ELP4: variants seen among roughly 807,000 people sequenced by gnomAD.
ELP4 encodes elongator acetyltransferase complex subunit 4, also known as elongator complex protein 4.
A neutral mutation model predicts 48.9 loss-of-function variants in ELP4; 51 were observed. That is an observed-to-expected ratio of 1.04 (90% confidence interval 0.83 to 1.32). The LOEUF is 1.32. ELP4 is among the 40% of genes most tolerant of loss of function. The pLI is 0.00. For synonymous variants in ELP4, 210 were observed against 189.2 expected, an observed-to-expected ratio of 1.11 and a Z score of -0.90; for missense variants, 519 against 514.6, an observed-to-expected ratio of 1.01 and a Z score of -0.08.
At chr11:31,608,957 T>G (rs1177123695) in intron 5 of ELP4, among the ~76,000 whole-genome samples, 1 of 152,122 alleles carries the variant, frequency 6.6e-6, no homozygotes, top group Non-Finnish European at 1.5e-5. Flanking sequence ...GCTCTGTCAG[T>G]CTTCAGCAGC....
At chr11:31,720,844 A>G (rs749623057) in intron 9 of ELP4, among the ~76,000 whole-genome samples, 15 of 152,198 alleles carry the variant, frequency 9.9e-5, no homozygotes, top group Non-Finnish European at 1.6e-4. Context: ...CAAAAAGAAG[A>G]TAAGTGCCAA....
intron 2 of ELP4, among the ~76,000 whole-genome samples, chr11:31,525,041 A>AT (rs1383100753): frequency 6.6e-6 from 1 of 152,134 alleles, no homozygotes; most frequent in Non-Finnish European, 1.5e-5. Context: ...CTGGTCACCT[A>AT]TTTTTGTAAA....
At chr11:31,711,853 A>G (rs1375446004) in intron 9 of ELP4, among the ~76,000 whole-genome samples, 2 of 152,140 alleles carry the variant, frequency 1.3e-5, no homozygotes, top group Admixed American at 6.6e-5. Context: ...CAACTGGCCC[A>G]TACTACAATG....
At chr11:31,576,879 G>T (rs1416160508) in intron 3 of ELP4, among the ~76,000 whole-genome samples, 2 of 152,132 alleles carry the variant, frequency 1.3e-5, no homozygotes, top group Non-Finnish European at 2.9e-5. Flanking sequence ...ACAATTAAAA[G>T]AACTAGAGAA....
At chr11:31,693,166 A>G (rs1470078942) in intron 9 of ELP4, among the ~76,000 whole-genome samples, 3 of 151,846 alleles carry the variant, frequency 2.0e-5, no homozygotes, top group Admixed American at 2.0e-4. Flanking sequence ...TTTTATTATT[A>G]TTATTATTAT....
chr11:31,771,266 G>A (rs1170217309), intron 9 of ELP4, among the ~76,000 whole-genome samples: 1 of 152,170 alleles, frequency 6.6e-6, no homozygotes, highest in Non-Finnish European at 1.5e-5. Flanking sequence ...TCAGAAGAAA[G>A]CAGGATCTAA....
chr11:31,627,011 T>C lies in ELP4; in HGVS notation c.654-99T>C, dbSNP rs1944758797. 1.1e-5 allele frequency: 7 copies of C among 663,094 alleles called. No homozygotes were observed. The East Asian group carries it at 1.7e-4, about 16-fold the overall frequency. The allele number at this position is 663,094 out of a possible 1,614,324, so 41.1% of individuals were successfully genotyped here. Reference sequence around the variant, plus strand: ...TGACATTCTTAAGTAATCTAATAAATGTATGCCTTTTAATTATTTACTTAA... The same window carrying C: ...TGACATTCTTAAGTAATCTAATAAACGTATGCCTTTTAATTATTTACTTAA... On this transcript the variant is annotated intron_variant, in intron 5 of 9. Transcript: ENST00000640961.
intron 9 of ELP4, among the ~76,000 whole-genome samples, chr11:31,690,040 C>T (rs1946244078): frequency 6.6e-6 from 1 of 152,144 alleles, no homozygotes; most frequent in Non-Finnish European, 1.5e-5. Flanking sequence ...AAGGAAATAA[C>T]ATGTGTTTCG....
At chr11:31,542,981 G>C (rs563060882) in intron 3 of ELP4, among the ~76,000 whole-genome samples, 2 of 152,230 alleles carry the variant, frequency 1.3e-5, no homozygotes, top group African/African-American at 4.8e-5. Flanking sequence ...AACTTTTAGA[G>C]ATGAAAATAC....
chr11:31,695,448 G>A lies in ELP4; in HGVS notation c.1143+45227G>A, dbSNP rs189779664. On this transcript the variant is annotated intron_variant, in intron 9 of 9. Coordinates refer to ENST00000640961, the MANE Select transcript of ELP4 (RefSeq NM_019040.5). ...TTTTTGTCTTTGGTTCTGTTTATAC[G>A]ATGGATTACATTTATTGATTCGCGT... Among the ~76,000 whole-genome samples the A allele has an allele frequency of 2.7e-3, 413 of 151,982 alleles. 12 individuals are homozygous for A. In the East Asian group the frequency reaches 0.065, roughly 24 times the overall value.
At chr11:31,653,235 C>G (rs1447596527) in intron 9 of ELP4, 2 of 151,654 alleles carry the variant, frequency 1.3e-5, no homozygotes, top group Admixed American at 1.3e-4. Context: ...GCACTAAAAT[C>G]CTGACATGCA....
intron 9 of ELP4, among the ~76,000 whole-genome samples, chr11:31,658,689 TC>T (rs1945490314): frequency 6.6e-6 from 1 of 151,962 alleles, no homozygotes; most frequent in Non-Finnish European, 1.5e-5. Flanking sequence ...TTATAGCTAA[TC>T]AACCTGTTTT....
intron 9 of ELP4, among the ~76,000 whole-genome samples, chr11:31,749,144 G>A (rs1947663072): frequency 6.6e-6 from 1 of 152,166 alleles, no homozygotes; most frequent in Admixed American, 6.5e-5. Context: ...GAAAGCCATA[G>A]ACGATGTAGA....
intron 9 of ELP4, among the ~76,000 whole-genome samples, chr11:31,659,752 C>T (rs932008754): frequency 5.3e-5 from 8 of 152,030 alleles, no homozygotes; most frequent in Non-Finnish European, 1.0e-4. Context: ...CTTTGGGAGG[C>T]CGAGGTAGAT....
At chr11:31,732,469 T>A (rs1199891181) in intron 9 of ELP4, among the ~76,000 whole-genome samples, 8 of 136,610 alleles carry the variant, frequency 5.9e-5, no homozygotes, top group Admixed American at 7.2e-5. Context: ...AGCATGTCAC[T>A]AAAAAAAAAA....
At position 31,641,053 on chromosome 11, in the gene ELP4, A is replaced by G. The variant is rs184038787; in HGVS notation, c.928-6688A>G. Reference sequence around the variant, plus strand: ...TTTACTAAATGTTTTTGCTGCAGCTATTAACTTACATTGAAAATCAAATAT... The same window carrying G: ...TTTACTAAATGTTTTTGCTGCAGCTGTTAACTTACATTGAAAATCAAATAT... On this transcript the variant is annotated intron_variant, in intron 7 of 9. Coordinates refer to ENST00000640961, the MANE Select transcript of ELP4 (RefSeq NM_019040.5). Among the ~76,000 whole-genome samples the G allele has an allele frequency of 1.2e-3, 177 of 152,118 alleles. 2 individuals carry two copies. Among genetic ancestry groups the G allele is most frequent in the African/African-American group, 4.0e-3 (165 of 41,572 alleles).
chr11:31,642,194 AATGTTTT>A lies in ELP4; in HGVS notation c.928-5544_928-5538del, dbSNP rs567520988. Among the ~76,000 whole-genome samples, 303 of 152,066 alleles carry A rather than the reference AATGTTTT, an allele frequency of 2.0e-3. 1 individual carries two copies. The highest frequency in any genetic ancestry group is 6.9e-3 in the African/African-American group (288 of 41,536). On this transcript the variant is annotated intron_variant, in intron 7 of 9. Coordinates refer to ENST00000640961, the MANE Select transcript of ELP4 (RefSeq NM_019040.5). ...CTTTTCAGAATATGTAAGTTTTTGT[AATGTTTT>A]ATAGAATAACTTACTGAAAAAGAAA...
chr11:31,652,237 A>C (rs1004936921), intron 9 of ELP4: 1 of 151,698 alleles, frequency 6.6e-6, no homozygotes, highest in African/African-American at 2.4e-5. Context: ...TTGTTATTTT[A>C]ATATAAATAT....
chr11:31,715,810 C>T (rs1252630995), intron 9 of ELP4, among the ~76,000 whole-genome samples: 5 of 152,242 alleles, frequency 3.3e-5, no homozygotes, highest in South Asian at 4.1e-4. Flanking sequence ...AGTAACTATA[C>T]ATTAAGTCAC....
Sources: allele counts gnomAD v4.1 joint callset (sites outside exome capture counted in the v4.1 genomes callset), GRCh38; gene constraint gnomAD v4.1.1; transcripts MANE v1.5; gene names NCBI Gene and HGNC (gene_info 2026-07-23, HGNC 2026-07-21).